The following ECM2 variants were observed in gnomAD, a reference collection of about 807,000 sequenced individuals.
ECM2 encodes extracellular matrix protein 2, female organ and adipocyte specific.
Under a neutral mutation model 67.5 loss-of-function variants are expected in ECM2, and 57 were observed. The ratio of observed to expected loss-of-function variants is 0.84; its 90% CI spans 0.68 to 1.05. The LOEUF (loss-of-function observed/expected upper bound fraction) is 1.05. ECM2 is among the 50% of genes least tolerant of loss of function. ECM2 has a pLI of 0.00. For synonymous variants in ECM2, 258 were observed against 294.5 expected (o/e 0.88, Z 1.27); for missense variants, 741 against 822.8 (o/e 0.90, Z 1.22).
At chr9:92,513,055 T>C (rs1424260355) in intron 4 of ECM2, among the ~76,000 whole-genome samples, 2 of 152,304 alleles carry the variant, frequency 1.3e-5, no homozygotes, top group East Asian at 3.9e-4. Context: ...TGCACAAATG[T>C]GTTGACCTTT....
chr9:92,498,749 C>T (rs549750634), intron 9 of ECM2, among the ~76,000 whole-genome samples: 1 of 152,118 alleles, frequency 6.6e-6, no homozygotes, highest in Admixed American at 6.5e-5. Context: ...TTATTATGAG[C>T]AGTAATAATG....
rs1847238169 is a variant in ECM2, at chr9:92,509,972, T to C, written c.1233A>G (p.Gln411=). The C allele has an allele frequency of 6.2e-7, 1 of 1,610,800 alleles. No individual in the cohort carries two copies. Among genetic ancestry groups the C allele is most frequent in the African/African-American group, 1.3e-5 (1 of 74,708 alleles). The change falls in exon 6 of 10, where the codon CAA becomes CAG. Residue 411 remains glutamine, a synonymous_variant. Coordinates refer to ENST00000344604, the MANE Select transcript of ECM2 (RefSeq NM_001393.4). The part of the protein sequence containing the change: ...DGNNLIQIPS[Q]LPSTLEELKV... ...TAAGTTCTTCTAATGTAGATGGCAA[T>C]TGTGAAGGAATCTGTATCAAATTAT...
chr9:92,496,917 C>T (rs1405129648), intron 9 of ECM2, among the ~76,000 whole-genome samples: 1 of 151,542 alleles, frequency 6.6e-6, no homozygotes, highest in Admixed American at 6.6e-5. Flanking sequence ...TACTGGCATA[C>T]CACTTTTTAT....
the ECM2 span, among the ~76,000 whole-genome samples, chr9:92,557,685 C>T: frequency 6.6e-6 from 1 of 152,244 alleles, no homozygotes; most frequent in Non-Finnish European, 1.5e-5. Context: ...GCTCTGTCGC[C>T]AGTCTGCAGT....
intron 6 of ECM2, among the ~76,000 whole-genome samples, chr9:92,508,618 T>A (rs942258320): frequency 6.6e-6 from 1 of 152,236 alleles, no homozygotes; most frequent in Non-Finnish European, 1.5e-5. Context: ...AATTTTCTAA[T>A]GTCTTTCCCA....
intron 1 of ECM2, among the ~76,000 whole-genome samples, chr9:92,531,465 T>C (rs2131280878): frequency 6.6e-6 from 1 of 152,334 alleles, no homozygotes; most frequent in East Asian, 1.9e-4. Flanking sequence ...AAAAGATTAT[T>C]TTTATTTTGT....
At chr9:92,538,160 T>C (rs970056935), upstream of ECM2, among the ~76,000 whole-genome samples, 1 of 152,128 alleles carries the variant, frequency 6.6e-6, no homozygotes, top group East Asian at 1.9e-4. Flanking sequence ...ACTGTAACCA[T>C]GGATTAGAAA....
intron 1 of ECM2, among the ~76,000 whole-genome samples, chr9:92,523,428 C>T (rs1848199617): frequency 6.6e-6 from 1 of 152,118 alleles, no homozygotes; most frequent in South Asian, 2.1e-4. Context: ...CTCAACACCA[C>T]CCATAGGGTA....
At position 92,505,533 on chromosome 9, in the gene ECM2, C is replaced by T. The variant is rs373635817; in HGVS notation, c.1464G>A (p.Glu488=). The change falls in exon 7 of 10, where the codon GAG becomes GAA. Residue 488 remains glutamate (E), a splice_region_variant and synonymous_variant. Transcript: ENST00000344604. ...IIPQGLPGSI[E]ELYLENNQIE... ...AAACACTAAAAAAATATATTGTTAC[C>T]TCAATAGAACCAGGAAGACCCTGCG... is the stretch of plus-strand genomic sequence containing the variant. 1.3e-6 allele frequency: 2 copies of T among 1,588,288 alleles called. No individual in the cohort carries two copies. Among genetic ancestry groups the T allele is most frequent in the Non-Finnish European group, 1.7e-6 (2 of 1,172,432 alleles).
intron 1 of ECM2, among the ~76,000 whole-genome samples, chr9:92,530,297 G>A (rs751833880): frequency 7.2e-5 from 11 of 152,076 alleles, no homozygotes; most frequent in Non-Finnish European, 1.5e-4. Context: ...GGGTGATAAT[G>A]ATATGTCAGC....
chr9:92,558,431 T>G, the ECM2 span, among the ~76,000 whole-genome samples: 2 of 152,124 alleles, frequency 1.3e-5, no homozygotes, highest in Admixed American at 1.3e-4. Flanking sequence ...AGCCACCCAG[T>G]GAGTCTGCCC....
chr9:92,533,329 A>T lies in ECM2; in HGVS notation c.-28+2604T>A, dbSNP rs919629330. Among the ~76,000 whole-genome samples the T allele has an allele frequency of 2.8e-4, 12 of 43,536 alleles. 1 individual carries two copies. The highest frequency in any genetic ancestry group is 1.2e-3 in the African/African-American group (12 of 10,290). 28.6% of individuals were successfully genotyped at this position (43,536 alleles called of 152,430 possible). A position where few individuals can be genotyped will look rare whatever the true frequency, so the allele number is the denominator to read the frequency against. Reference sequence around the variant, plus strand: ...AAAAAAAAAAAAAAAAAAAAAAAAAATATATATATATATATATATATATAT... The same window carrying T: ...AAAAAAAAAAAAAAAAAAAAAAAAATTATATATATATATATATATATATAT... On this transcript the variant is annotated intron_variant, in intron 1 of 9. Transcript: ENST00000344604.
Position 92,509,886 on chromosome 9 carries a change from A to T in ECM2, c.1306+13T>A. 1 of 1,595,220 alleles carries T rather than the reference A, an allele frequency of 6.3e-7. No individual in the cohort carries two copies. The highest frequency in any genetic ancestry group is 8.5e-7 in the Non-Finnish European group (1 of 1,175,768). On this transcript the variant is annotated intron_variant, in intron 6 of 9. Transcript: ENST00000344604. ...ATAAGGAAGCATATCATTGAAAAAC[A>T]AATATTAAATACCTGATAAACTTTC...
the ECM2 span, among the ~76,000 whole-genome samples, chr9:92,548,824 T>C: frequency 6.6e-6 from 1 of 152,170 alleles, no homozygotes. Flanking sequence ...TTAGAGTTGA[T>C]GAAATTCAAA....
At chr9:92,512,612 C>A (rs1350698818) in intron 4 of ECM2, among the ~76,000 whole-genome samples, 1 of 152,236 alleles carries the variant, frequency 6.6e-6, no homozygotes, top group Non-Finnish European at 1.5e-5. Context: ...TTGGGGAGAT[C>A]ATCTCCCAGA....
downstream of ECM2, chr9:92,494,223 G>C (rs1846253071): frequency 2.7e-6 from 4 of 1,490,524 alleles, no homozygotes; most frequent in Non-Finnish European, 3.7e-6. Context: ...CAAGATGCTA[G>C]TTCTGCTGAC....
At chr9:92,533,323 AAAAAAATATATAT>A (rs1288966921) in intron 1 of ECM2, among the ~76,000 whole-genome samples, 4 of 99,106 alleles carry the variant, frequency 4.0e-5, no homozygotes, top group African/African-American at 1.6e-4. Flanking sequence ...AAAAAAAAAA[AAAAAAATATATAT>A]ATATATATAT....
At chr9:92,532,593 C>T (rs1848866046) in intron 1 of ECM2, among the ~76,000 whole-genome samples, 1 of 152,124 alleles carries the variant, frequency 6.6e-6, no homozygotes. Context: ...TTCATTGATA[C>T]TCTCTTCATC....
At chr9:92,530,544 ATAAT>A (rs1201124042) in intron 1 of ECM2, among the ~76,000 whole-genome samples, 1 of 152,180 alleles carries the variant, frequency 6.6e-6, no homozygotes, top group Non-Finnish European at 1.5e-5. Flanking sequence ...AATTGTCCTA[ATAAT>A]TTGCCTTGTT....
Sources: allele counts gnomAD v4.1 joint callset (sites outside exome capture counted in the v4.1 genomes callset), GRCh38; gene constraint gnomAD v4.1.1; transcripts MANE v1.5; gene names NCBI Gene and HGNC (gene_info 2026-07-23, HGNC 2026-07-21).